SOCS6: variants seen among roughly 807,000 people sequenced by gnomAD.
The protein encoded by SOCS6 is STAT induced STAT inhibitor-4.
Under a neutral mutation model 27.7 loss-of-function variants are expected in SOCS6, and 5 were observed. The ratio of observed to expected loss-of-function variants is 0.18; its 90% confidence interval spans 0.09 to 0.38. SOCS6 has a LOEUF of 0.38. Among genes scored for constraint, SOCS6 ranks in the 10% least tolerant of loss-of-function variants. SOCS6 has a pLI of 1.00. For missense variants in SOCS6, 595 were observed against 688.1 expected (o/e 0.86, Z 1.51); for synonymous variants, 271 against 260.0 (o/e 1.04, Z -0.41).
intron 1 of SOCS6, among the ~76,000 whole-genome samples, chr18:70,310,164 T>C (rs1045697787): frequency 2.6e-5 from 4 of 152,238 alleles, no homozygotes; most frequent in African/African-American, 9.6e-5. Context: ...ATGTGATGAA[T>C]TCAAAGTACT....
At chr18:70,324,043 C>A (rs1306359060) in intron 1 of SOCS6, among the ~76,000 whole-genome samples, 1 of 152,116 alleles carries the variant, frequency 6.6e-6, no homozygotes, top group Non-Finnish European at 1.5e-5. Context: ...GTAGCTCAGC[C>A]TGTAATCCCA....
chr18:70,309,795 T>C (rs1245865030), intron 1 of SOCS6, among the ~76,000 whole-genome samples: 1 of 152,126 alleles, frequency 6.6e-6, no homozygotes, highest in Admixed American at 6.5e-5. Context: ...GTGATTCTCC[T>C]ACCTTGGCCT....
chr18:70,292,356 T>C lies in SOCS6; in HGVS notation c.-127+3266T>C, dbSNP rs145152022. On this transcript the variant is annotated intron_variant, in intron 1 of 1. Coordinates refer to ENST00000397942, the MANE Select transcript of SOCS6 (RefSeq NM_004232.4). Reference sequence around the variant, plus strand: ...TAACATCCAAACTCTTGTTTTGTTTTGAAATGGGGATCTCGCTCTGGTTGC... The same window carrying C: ...TAACATCCAAACTCTTGTTTTGTTTCGAAATGGGGATCTCGCTCTGGTTGC... 4.6e-5 allele frequency among the ~76,000 whole-genome samples: 7 copies of C among 152,348 alleles called. No homozygotes were observed. In the East Asian group the frequency reaches 1.4e-3, roughly 29 times the overall value.
intron 1 of SOCS6, among the ~76,000 whole-genome samples, chr18:70,304,242 A>AAAG (rs34060624): frequency 0.46 from 70,279 of 151,712 alleles, 16,935 homozygotes; most frequent in East Asian, 0.76. Context: ...AGTAAAGAAA[A>AAAG]AGAAAAGACA....
intron 1 of SOCS6, among the ~76,000 whole-genome samples, chr18:70,311,179 T>C (rs2062389378): frequency 6.6e-6 from 1 of 152,200 alleles, no homozygotes; most frequent in African/African-American, 2.4e-5. Context: ...CCTGCAGATG[T>C]TCCCCAATGT....
At position 70,329,177 on chromosome 18, in the gene SOCS6, T is replaced by C. The variant is rs1911323397; in HGVS notation, c.*2901T>C. 1.2e-5 allele frequency: 2 copies of C among 167,224 alleles called. No individual in the cohort carries two copies. Among genetic ancestry groups the C allele is most frequent in the South Asian group, 4.1e-4 (2 of 4,832 alleles). 10.4% of individuals were successfully genotyped at this position (167,224 alleles called of 1,614,324 possible). On this transcript the variant is annotated 3_prime_UTR_variant, in exon 2 of 2. Transcript: ENST00000397942. ...TACTTGAAAAATATCTAATTCTCTT[T>C]CTGTCTAAGGAAAACTCTTTCTACT...
chr18:70,306,995 G>A (rs1338507623), intron 1 of SOCS6, among the ~76,000 whole-genome samples: 1 of 152,158 alleles, frequency 6.6e-6, no homozygotes, highest in Non-Finnish European at 1.5e-5. Context: ...AAGCATGGTG[G>A]CTTACGCCTG....
Position 70,325,202 on chromosome 18 carries a change from C to T in SOCS6, c.534C>T (p.Leu178=), listed in dbSNP as rs757160735. 28 of 1,614,160 alleles carry T rather than the reference C, an allele frequency of 1.7e-5. No homozygotes were observed. The highest frequency in any genetic ancestry group is 2.4e-5 in the Non-Finnish European group (28 of 1,179,998). ...GCGTCCGGAAGGATTTCCACGACCT[C>T]CAGTCTGAGACCACGTGCCAGGAGC... ...LNGVRKDFHD[L]QSETTCQEQA... The change falls in exon 2 of 2, where the codon CTC becomes CTT. Residue 178 remains leucine, a synonymous_variant. Transcript: ENST00000397942. The surrounding 1 kb of genome is among the most constrained non-coding windows in gnomAD (Gnocchi z 6.3).
intron 1 of SOCS6, among the ~76,000 whole-genome samples, chr18:70,297,089 G>A (rs2062327350): frequency 6.6e-6 from 1 of 151,852 alleles, no homozygotes; most frequent in African/African-American, 2.4e-5. Context: ...GGCTGTGGGA[G>A]TTTTGTTTTC....
chr18:70,315,443 C>A (rs954550032), intron 1 of SOCS6, among the ~76,000 whole-genome samples: 54 of 152,282 alleles, frequency 3.5e-4, no homozygotes, highest in African/African-American at 1.3e-3. Flanking sequence ...TCCTTTTCAT[C>A]TGAGTTTCAA....
chr18:70,294,959 A>C (rs1353555093), intron 1 of SOCS6, among the ~76,000 whole-genome samples: 1 of 152,234 alleles, frequency 6.6e-6, no homozygotes, highest in Admixed American at 6.5e-5. Context: ...CTTATTTTCC[A>C]TAGCATCGGA....
chr18:70,322,692 TTTTAAG>T (rs1394612170), intron 1 of SOCS6, among the ~76,000 whole-genome samples: 1 of 152,220 alleles, frequency 6.6e-6, no homozygotes, highest in African/African-American at 2.4e-5. Context: ...GCTTCAAATA[TTTTAAG>T]TTTTTTATTT....
chr18:70,317,580 CA>C (rs2062418293), intron 1 of SOCS6, among the ~76,000 whole-genome samples: 2 of 150,638 alleles, frequency 1.3e-5, no homozygotes, highest in African/African-American at 4.9e-5. Context: ...CACACACACA[CA>C]CCACATTTTC....
At chr18:70,300,397 G>A (rs2062343135) in intron 1 of SOCS6, among the ~76,000 whole-genome samples, 1 of 152,116 alleles carries the variant, frequency 6.6e-6, no homozygotes, top group African/African-American at 2.4e-5. Context: ...CCAAAGTGCT[G>A]GGATTACAGG....
chr18:70,296,061 C>T (rs867207960), intron 1 of SOCS6, among the ~76,000 whole-genome samples: 6 of 152,260 alleles, frequency 3.9e-5, no homozygotes, highest in Admixed American at 3.3e-4. Flanking sequence ...GAGCCTCTAC[C>T]GTCAACTTAG....
chr18:70,325,047 C>G lies in SOCS6; in HGVS notation c.379C>G (p.Leu127Val), dbSNP rs772570614. Residue 127 changes from leucine to valine, a missense_variant, in exon 2 of 2, where the codon CTC becomes GTC. By Grantham distance (32) the Leu-to-Val change is conservative. Transcript: ENST00000397942. The surrounding 1 kb of genome is among the most constrained non-coding windows in gnomAD (Gnocchi z 6.3). The part of the protein sequence containing the change: ...RAQRPIRSTS[L>V]RSHHYSPAPW... ...TCAGAGGCCGATAAGGTCCACGTCG[C>G]TCCGCAGCCATCACTACAGTCCCGC... 4 of 1,614,076 alleles carry G rather than the reference C, an allele frequency of 2.5e-6. No individual in the cohort carries two copies. The highest frequency in any genetic ancestry group is 3.4e-6 in the Non-Finnish European group (4 of 1,180,044).
At chr18:70,322,957 T>G (rs188049947) in intron 1 of SOCS6, among the ~76,000 whole-genome samples, 35 of 152,332 alleles carry the variant, frequency 2.3e-4, no homozygotes, top group South Asian at 1.7e-3. Flanking sequence ...ATACTACAGT[T>G]TATCTGTTCA....
chr18:70,321,755 A>G (rs939007201), intron 1 of SOCS6, among the ~76,000 whole-genome samples: 1 of 152,184 alleles, frequency 6.6e-6, no homozygotes, highest in African/African-American at 2.4e-5. Context: ...TTTGAGAACC[A>G]CTGATGTAAG....
rs562617018 is a variant in SOCS6, at chr18:70,326,556, A to G, written c.*280A>G. Reference sequence around the variant, plus strand: ...AATGTGAATTATCAAATTCTCCTCAATGCCCCCCCCGCCCAGTCCTTTGCT... The same window carrying G: ...AATGTGAATTATCAAATTCTCCTCAGTGCCCCCCCCGCCCAGTCCTTTGCT... On this transcript the variant is annotated 3_prime_UTR_variant, in exon 2 of 2. Transcript: ENST00000397942. 7.9e-5 allele frequency: 30 copies of G among 378,004 alleles called. No homozygotes were observed. Among genetic ancestry groups the G allele is most frequent in the Middle Eastern group, 8.1e-4 (1 of 1,232 alleles). The allele number at this position is 378,004 out of a possible 1,614,324, so 23.4% of individuals were successfully genotyped here.
Sources: gnomAD v4.1 joint callset for allele counts (sites outside exome capture counted in the v4.1 genomes callset) on GRCh38, gnomAD v4.1.1 for gene constraint, Gnocchi (gnomAD v3.1) non-coding constraint, MANE v1.5 for transcripts, NCBI Gene and HGNC (gene_info 2026-07-23, HGNC 2026-07-21) for gene names.